The following AGMO variants were observed in gnomAD, a reference collection of about 807,000 sequenced individuals.
The protein encoded by AGMO is glyceryl-ether monooxygenase.
Under a neutral mutation model 60.2 loss-of-function variants are expected in AGMO, and 75 were observed. The ratio of observed to expected loss-of-function variants is 1.25; its 90% CI spans 1.03 to 1.51. The LOEUF is 1.51. Among genes scored for constraint, AGMO ranks in the 40% most tolerant of loss-of-function variants. AGMO has a pLI of 0.00. For missense variants in AGMO, 763 were observed against 525.5 expected (o/e 1.45, Z -4.42); for synonymous variants, 261 against 177.1 (o/e 1.47, Z -3.76).
chr7:15,146,720 T>A, the AGMO span, among the ~76,000 whole-genome samples: 1 of 152,182 alleles, frequency 6.6e-6, no homozygotes, highest in Non-Finnish European at 1.5e-5. Context: ...TGCTTTCTTT[T>A]TGGAGGACAA....
Position 15,391,008 on chromosome 7 carries a change from A to G in AGMO, c.677-103T>C, listed in dbSNP as rs114717804. Reference sequence around the variant, plus strand: ...AATATATTCATAAAATTCAGATTTAAACAGGGTACAATTTCCCTGGGAATG... The same window carrying G: ...AATATATTCATAAAATTCAGATTTAGACAGGGTACAATTTCCCTGGGAATG... On this transcript the variant is annotated intron_variant, in intron 6 of 12. Transcript: ENST00000342526. 7.2e-4 allele frequency: 511 copies of G among 707,134 alleles called. 1 individual carries two copies. In the African/African-American group the frequency reaches 8.1e-3, roughly 11 times the overall value. 43.8% of individuals were successfully genotyped at this position (707,134 alleles called of 1,614,324 possible).
chr7:15,390,519 G>A (rs1784093455), intron 8 of AGMO, 152 bp downstream of exon 8: 1 of 503,396 alleles, frequency 2.0e-6, no homozygotes, highest in Non-Finnish European at 3.5e-6. Context: ...TTTTGCTTGT[G>A]TAACAAAGAG....
intron 10 of AGMO, among the ~76,000 whole-genome samples, chr7:15,371,813 T>C (rs1009706691): frequency 1.3e-5 from 2 of 152,108 alleles, no homozygotes; most frequent in Non-Finnish European, 2.9e-5. Flanking sequence ...CTGGGATTTA[T>C]AGGCATGAGC....
chr7:15,283,853 TA>T lies in AGMO; in HGVS notation c.1263+81660del, dbSNP rs202173973. 3.3e-5 allele frequency among the ~76,000 whole-genome samples: 5 copies of T among 150,952 alleles called. No homozygotes were observed. In the South Asian group the frequency reaches 6.3e-4, roughly 19 times the overall value. On this transcript the variant is annotated intron_variant, in intron 12 of 12. Coordinates refer to ENST00000342526, the MANE Select transcript of AGMO (RefSeq NM_001004320.2). ...CCACAAAACAAGTCTTAATGAAGTT[TA>T]AAAAAAAATGAAATCATATCAAGTA...
chr7:15,152,744 T>G, the AGMO span, among the ~76,000 whole-genome samples: 1 of 152,218 alleles, frequency 6.6e-6, no homozygotes, highest in Non-Finnish European at 1.5e-5. Context: ...CACTCATTGA[T>G]TAATGGGCAT....
the AGMO span, among the ~76,000 whole-genome samples, chr7:15,147,576 G>T: frequency 6.6e-6 from 1 of 152,218 alleles, no homozygotes; most frequent in East Asian, 1.9e-4. Context: ...AGATTTGGGT[G>T]GGGACACAGC....
At chr7:15,322,707 T>TAA (rs1563086838) in intron 12 of AGMO, among the ~76,000 whole-genome samples, 5 of 44,426 alleles carry the variant, frequency 1.1e-4, no homozygotes, top group African/African-American at 6.5e-4. Context: ...TATGTATAAA[T>TAA]ATATATAAAT....
the AGMO span, among the ~76,000 whole-genome samples, chr7:15,158,444 C>T: frequency 1.3e-5 from 2 of 152,186 alleles, no homozygotes; most frequent in South Asian, 4.1e-4. Flanking sequence ...ACAACAACAA[C>T]ATATAATGTC....
chr7:15,486,464 A>G (rs1782924051), intron 3 of AGMO, among the ~76,000 whole-genome samples: 1 of 152,236 alleles, frequency 6.6e-6, no homozygotes, highest in Admixed American at 6.5e-5. Flanking sequence ...AAAACATTCA[A>G]ATGACTGCTG....
intron 12 of AGMO, among the ~76,000 whole-genome samples, chr7:15,356,230 G>T (rs1782524676): frequency 6.6e-6 from 1 of 152,092 alleles, no homozygotes; most frequent in Non-Finnish European, 1.5e-5. Flanking sequence ...CTACATACAT[G>T]CAATGTGCAC....
At chr7:15,474,494 AT>A (rs1460633570) in intron 3 of AGMO, among the ~76,000 whole-genome samples, 3 of 152,176 alleles carry the variant, frequency 2.0e-5, no homozygotes, top group Non-Finnish European at 4.4e-5. Flanking sequence ...GGATAGCGAT[AT>A]GCAGAAAACT....
At chr7:15,168,336 T>C in the AGMO span, among the ~76,000 whole-genome samples, 1,246 of 152,148 alleles carry the variant, frequency 8.2e-3, 25 homozygotes, top group African/African-American at 0.029. Flanking sequence ...AAAAAATAAA[T>C]AAATAAATAA....
chr7:15,412,649 AG>A (rs1780645989), intron 5 of AGMO, among the ~76,000 whole-genome samples: 1 of 144,422 alleles, frequency 6.9e-6, no homozygotes, highest in African/African-American at 2.6e-5. Context: ...GCCACGTGAG[AG>A]GGGCTTTGTA....
At chr7:15,479,881 G>A (rs1252017836) in intron 3 of AGMO, among the ~76,000 whole-genome samples, 1 of 152,112 alleles carries the variant, frequency 6.6e-6, no homozygotes, top group Non-Finnish European at 1.5e-5. Context: ...AGAATTCAAA[G>A]AAAGAACTCG....
At chr7:15,156,740 C>T in the AGMO span, among the ~76,000 whole-genome samples, 1 of 152,140 alleles carries the variant, frequency 6.6e-6, no homozygotes, top group African/African-American at 2.4e-5. Flanking sequence ...CTGTATCCTC[C>T]CTCTGTCCAC....
intron 12 of AGMO, among the ~76,000 whole-genome samples, chr7:15,243,784 T>C (rs1782664257): frequency 6.6e-6 from 1 of 152,152 alleles, no homozygotes; most frequent in Non-Finnish European, 1.5e-5. Flanking sequence ...AGGGCTATAA[T>C]AAACAAAAAT....
intron 3 of AGMO, among the ~76,000 whole-genome samples, chr7:15,438,765 C>A (rs1253139299): frequency 6.6e-6 from 1 of 152,174 alleles, no homozygotes; most frequent in Non-Finnish European, 1.5e-5. Flanking sequence ...TACCCCCTGA[C>A]CCATACTGAA....
chr7:15,229,702 TTA>T lies in AGMO; in HGVS notation c.1264-28345_1264-28344del, dbSNP rs531008930. Among the ~76,000 whole-genome samples the T allele has an allele frequency of 5.0e-3, 694 of 138,956 alleles. 9 individuals are homozygous for T. The highest frequency in any genetic ancestry group is 0.018 in the African/African-American group (624 of 34,482). The allele number at this position is 138,956 out of a possible 152,430, so 91.2% of individuals were successfully genotyped here. The stretch of plus-strand genomic sequence containing the variant: ...TATACACATATATATAACTAATTAT[TTA>T]TATATATATTATATTATATATAAAT... On this transcript the variant is annotated intron_variant, in intron 12 of 12. Coordinates refer to ENST00000342526, the MANE Select transcript of AGMO (RefSeq NM_001004320.2).
chr7:15,546,609 G>A (rs1030735936), intron 2 of AGMO, among the ~76,000 whole-genome samples: 7 of 152,226 alleles, frequency 4.6e-5, no homozygotes, highest in Non-Finnish European at 1.0e-4. Context: ...CAGAGCTGGG[G>A]CTAGAGGTCT....
Sources: allele counts gnomAD v4.1 joint callset (sites outside exome capture counted in the v4.1 genomes callset), GRCh38; gene constraint gnomAD v4.1.1; transcripts MANE v1.5; gene names NCBI Gene and HGNC (gene_info 2026-07-23, HGNC 2026-07-21).